Variants in TCF7L2 observed in about 807,000 individuals in gnomAD.
The protein encoded by TCF7L2 is transcription factor 7 like 2.
A neutral mutation model predicts 77.9 loss-of-function variants in TCF7L2; 23 were observed. The observed-to-expected ratio is 0.30, with a 90% CI of 0.21 to 0.42. The LOEUF (loss-of-function observed/expected upper bound fraction) is 0.42, where lower values mean the gene tolerates loss of function less well. Among genes scored for constraint, TCF7L2 ranks in the 10% least tolerant of loss-of-function variants. The pLI, the probability that TCF7L2 is intolerant of heterozygous loss-of-function variation, is 1.00. For missense variants in TCF7L2, 654 were observed against 793.1 expected (o/e 0.82, Z 2.11); for synonymous variants, 413 against 340.2 (o/e 1.21, Z -2.36).
chr10:112,953,958 C>T (rs1215332037), intron 3 of TCF7L2, among the ~76,000 whole-genome samples: 1 of 152,202 alleles, frequency 6.6e-6, no homozygotes, highest in African/African-American at 2.4e-5. Context: ...GTCCTTCCTC[C>T]CTGTTACCTG....
At chr10:113,108,384 C>G (rs980887908) in intron 5 of TCF7L2, among the ~76,000 whole-genome samples, 1 of 151,952 alleles carries the variant, frequency 6.6e-6, no homozygotes, top group African/African-American at 2.4e-5. Context: ...CGGTGCTCTC[C>G]TAACACAGGC....
rs1234421276 is a variant in TCF7L2, at chr10:113,165,745, C to T, written c.1582C>T (p.His528Tyr). 4 of 1,612,698 alleles carry T rather than the reference C, an allele frequency of 2.5e-6. No homozygotes were observed. Among genetic ancestry groups the T allele is most frequent in the Middle Eastern group, 1.6e-4 (1 of 6,074 alleles). ...GTCCCTGAAGCCCGACCCCCTGGCC[C>T]ACCTGTCCATGATGCCTCCGCCACC... The change falls in exon 14 of 14, where the codon CAC (histidine) becomes TAC (tyrosine). Residue 528 changes from histidine (H) to tyrosine (Y), a missense_variant. By Grantham distance (83) the His-to-Tyr change is moderately conservative. Transcript: ENST00000627217.
intron 4 of TCF7L2, among the ~76,000 whole-genome samples, chr10:112,970,991 G>A (rs1052357437): frequency 1.3e-5 from 2 of 152,198 alleles, no homozygotes; most frequent in African/African-American, 4.8e-5. Context: ...TGGATGGCAG[G>A]TAACTTGCTC....
At chr10:112,973,240 G>A (rs1239113428) in intron 4 of TCF7L2, among the ~76,000 whole-genome samples, 1 of 152,210 alleles carries the variant, frequency 6.6e-6, no homozygotes, top group Non-Finnish European at 1.5e-5. Context: ...ACATTTGCAA[G>A]CTTTTAATTA....
At chr10:113,124,887 G>A (rs1002197125) in intron 5 of TCF7L2, among the ~76,000 whole-genome samples, 5 of 151,914 alleles carry the variant, frequency 3.3e-5, no homozygotes, top group African/African-American at 4.8e-5. Context: ...GGAGTCTAGC[G>A]GGCACTCTTT....
At chr10:113,013,054 A>G (rs2046724731) in intron 4 of TCF7L2, among the ~76,000 whole-genome samples, 1 of 151,496 alleles carries the variant, frequency 6.6e-6, no homozygotes, top group Non-Finnish European at 1.5e-5. Flanking sequence ...GTCACCAAGC[A>G]GGGCAAATCC....
At chr10:112,997,709 C>A (rs749331206) in intron 4 of TCF7L2, among the ~76,000 whole-genome samples, 16 of 152,166 alleles carry the variant, frequency 1.1e-4, no homozygotes, top group Non-Finnish European at 2.4e-4. Flanking sequence ...GTCCTGCCTT[C>A]CTTCTGAGTA....
At chr10:113,103,278 T>C (rs2061872545) in intron 5 of TCF7L2, among the ~76,000 whole-genome samples, 1 of 152,198 alleles carries the variant, frequency 6.6e-6, no homozygotes, top group Non-Finnish European at 1.5e-5. Context: ...TGTCCAGATA[T>C]GCTGGCTTCT....
chr10:113,032,814 T>C (rs540484466), intron 4 of TCF7L2, among the ~76,000 whole-genome samples: 2 of 152,328 alleles, frequency 1.3e-5, no homozygotes, highest in South Asian at 4.1e-4. Flanking sequence ...GTAGGGTTAT[T>C]GTGGATGTCA....
intron 5 of TCF7L2, among the ~76,000 whole-genome samples, chr10:113,081,460 C>T (rs902689884): frequency 6.6e-6 from 1 of 152,214 alleles, no homozygotes; most frequent in Admixed American, 6.5e-5. Context: ...TAATGTTCTT[C>T]CATAGCCAGT....
chr10:113,096,600 A>AGC (rs2060997579), intron 5 of TCF7L2, among the ~76,000 whole-genome samples: 1 of 152,044 alleles, frequency 6.6e-6, no homozygotes, highest in Non-Finnish European at 1.5e-5. Flanking sequence ...GTTTGGTGGA[A>AGC]GCGCCATAGG....
rs115693624 is a variant in TCF7L2 at position 113,068,959 on chromosome 10, C to T, written c.552+28833C>T. Among the ~76,000 whole-genome samples the T allele has an allele frequency of 3.9e-3, 589 of 151,728 alleles. 2 individuals carry two copies. Among genetic ancestry groups the T allele is most frequent in the African/African-American group, 0.013 (542 of 41,352 alleles). On this transcript the variant is annotated intron_variant, in intron 5 of 13. Transcript: ENST00000627217. The stretch of plus-strand genomic sequence containing the variant: ...ACCACCACCAAGAACAAGAGTTAGG[C>T]CCTGCCTACCCTTCTTTGGATGGGG...
At chr10:113,083,594 G>C (rs2059538512) in intron 5 of TCF7L2, among the ~76,000 whole-genome samples, 1 of 152,154 alleles carries the variant, frequency 6.6e-6, no homozygotes, top group Admixed American at 6.5e-5. Context: ...CATAAAGCTG[G>C]ATCAGTGTGA....
At chr10:113,053,434 G>A (rs1252221336) in intron 5 of TCF7L2, among the ~76,000 whole-genome samples, 1 of 152,150 alleles carries the variant, frequency 6.6e-6, no homozygotes, top group Admixed American at 6.5e-5. Flanking sequence ...GGGCGCAGGC[G>A]TGTGATACCA....
intron 4 of TCF7L2, among the ~76,000 whole-genome samples, chr10:113,016,358 T>C (rs1487427642): frequency 6.6e-6 from 1 of 152,174 alleles, no homozygotes; most frequent in South Asian, 2.1e-4. Flanking sequence ...TGAGCCTGGC[T>C]GGTGTATTTG....
chr10:112,985,372 C>G (rs2041285429), intron 4 of TCF7L2, among the ~76,000 whole-genome samples: 1 of 152,178 alleles, frequency 6.6e-6, no homozygotes, highest in Non-Finnish European at 1.5e-5. Context: ...AGGATCCTTC[C>G]ATGGGAATTC....
At chr10:113,051,557 T>C (rs11196208) in intron 5 of TCF7L2, among the ~76,000 whole-genome samples, 80,409 of 152,086 alleles carry the variant, frequency 0.53, 23,679 homozygotes, top group African/African-American at 0.78. Context: ...AGATAGAGCC[T>C]TGCAAGAGCA....
At chr10:112,982,954 G>A (rs2040753127) in intron 4 of TCF7L2, among the ~76,000 whole-genome samples, 1 of 152,064 alleles carries the variant, frequency 6.6e-6, no homozygotes. Context: ...GAGTTAGGGT[G>A]AAAGAGTCCA....
At chr10:113,026,206 A>C (rs1303936219) in intron 4 of TCF7L2, among the ~76,000 whole-genome samples, 8 of 121,152 alleles carry the variant, frequency 6.6e-5, no homozygotes, top group African/African-American at 2.2e-4. Context: ...GCTGGAGTGC[A>C]AGTGGCACAG....
Sources: allele counts gnomAD v4.1 joint callset (sites outside exome capture counted in the v4.1 genomes callset), GRCh38; gene constraint gnomAD v4.1.1; transcripts MANE v1.5; gene names NCBI Gene and HGNC (gene_info 2026-07-23, HGNC 2026-07-21).